Variants in GLIS3 observed in about 807,000 individuals in gnomAD.
GLIS3 encodes the protein GLIS family zinc finger 3.
In GLIS3, 53 loss-of-function variants were observed where a neutral mutation model predicts 78.6. The observed-to-expected ratio is 0.67, with a 90% CI of 0.54 to 0.85. The LOEUF is 0.85. GLIS3 is among the 40% of genes least tolerant of loss of function. The pLI, the probability that GLIS3 is intolerant of heterozygous loss-of-function variation, is 0.00. For synonymous variants in GLIS3, 684 were observed against 509.9 expected, an observed-to-expected ratio of 1.34 and a Z score of -4.60; for missense variants, 1,703 against 1,231.1, an observed-to-expected ratio of 1.38 and a Z score of -5.74.
chr9:4,475,853 G>A, the GLIS3 span, among the ~76,000 whole-genome samples: 1 of 152,194 alleles, frequency 6.6e-6, no homozygotes, highest in Non-Finnish European at 1.5e-5. Flanking sequence ...GGTAGTAGAA[G>A]AAGAGAGTCG....
chr9:3,860,942 A>C (rs1820174894), intron 8 of GLIS3, among the ~76,000 whole-genome samples: 1 of 152,204 alleles, frequency 6.6e-6, no homozygotes. Context: ...TTTAGTAAGC[A>C]ATGTATCTAC....
chr9:4,362,391 G>T, the GLIS3 span, among the ~76,000 whole-genome samples: 1 of 152,200 alleles, frequency 6.6e-6, no homozygotes, highest in African/African-American at 2.4e-5. Context: ...CATTGATGTA[G>T]TAAGAAAACA....
chr9:4,470,249 T>C, the GLIS3 span, among the ~76,000 whole-genome samples: 1 of 152,194 alleles, frequency 6.6e-6, no homozygotes, highest in African/African-American at 2.4e-5. Context: ...CCCTAACTCA[T>C]TTTATGAGGC....
intron 2 of GLIS3, among the ~76,000 whole-genome samples, chr9:4,320,265 C>T (rs984095218): frequency 6.6e-6 from 1 of 152,060 alleles, no homozygotes; most frequent in Non-Finnish European, 1.5e-5. Context: ...GCCTGACTAG[C>T]CCCTAAAAGA....
intron 4 of GLIS3, among the ~76,000 whole-genome samples, chr9:4,089,005 G>A (rs1191396984): frequency 6.6e-6 from 1 of 152,236 alleles, no homozygotes; most frequent in Non-Finnish European, 1.5e-5. Flanking sequence ...CTATATCCAT[G>A]AGCTGTGTTA....
chr9:4,277,478 C>G (rs998656417), intron 2 of GLIS3, among the ~76,000 whole-genome samples: 6 of 152,154 alleles, frequency 3.9e-5, no homozygotes, highest in African/African-American at 1.4e-4. Context: ...TTTCTTAAAC[C>G]AGGTCTTTAC....
intron 6 of GLIS3, among the ~76,000 whole-genome samples, chr9:3,911,108 CCTTCCTTCCTTCCTTTCCTTT>C: frequency 6.6e-6 from 1 of 152,122 alleles, no homozygotes; most frequent in Non-Finnish European, 1.5e-5. Context: ...TTTCTTCCTT[CCTTCCTTCCTTCCTTTCCTTT>C]CTTCCTTCCT....
chr9:4,180,896 C>A (rs921957909), intron 2 of GLIS3, among the ~76,000 whole-genome samples: 5 of 152,170 alleles, frequency 3.3e-5, no homozygotes, highest in Admixed American at 2.6e-4. Flanking sequence ...ATAGGTCCCA[C>A]CCAAGTACAG....
chr9:4,096,922 G>C (rs1829999397), intron 4 of GLIS3, among the ~76,000 whole-genome samples: 1 of 152,274 alleles, frequency 6.6e-6, no homozygotes, highest in East Asian at 1.9e-4. Context: ...TGAGGCAGGA[G>C]AATCTCTTGG....
At chr9:3,923,604 C>T (rs1228313237) in intron 6 of GLIS3, among the ~76,000 whole-genome samples, 1 of 150,682 alleles carries the variant, frequency 6.6e-6, no homozygotes, top group Non-Finnish European at 1.5e-5. Context: ...CTCTATAGTA[C>T]AAGGATGTTT....
At chr9:3,894,437 G>T (rs1388120688) in intron 7 of GLIS3, among the ~76,000 whole-genome samples, 1 of 152,154 alleles carries the variant, frequency 6.6e-6, no homozygotes, top group Non-Finnish European at 1.5e-5. Flanking sequence ...TCCCACGACA[G>T]CAAATATACT....
chr9:4,485,967 C>A, the GLIS3 span, among the ~76,000 whole-genome samples: 3 of 152,160 alleles, frequency 2.0e-5, no homozygotes, highest in African/African-American at 7.2e-5. Flanking sequence ...AGGAATCCAC[C>A]CCCCTTGGCC....
intron 4 of GLIS3, among the ~76,000 whole-genome samples, chr9:4,093,535 A>G (rs1249932935): frequency 6.6e-6 from 1 of 152,182 alleles, no homozygotes; most frequent in Non-Finnish European, 1.5e-5. Flanking sequence ...CCCTAAATCC[A>G]AAGTCACTTG....
At chr9:4,005,301 T>C (rs1397758306) in intron 4 of GLIS3, among the ~76,000 whole-genome samples, 2 of 152,240 alleles carry the variant, frequency 1.3e-5, no homozygotes, top group Non-Finnish European at 2.9e-5. Flanking sequence ...AACCTGTTGT[T>C]AGACAATAAG....
At chr9:4,119,339 G>A (rs760927862) in intron 3 of GLIS3, among the ~76,000 whole-genome samples, 1 of 152,074 alleles carries the variant, frequency 6.6e-6, no homozygotes, top group Non-Finnish European at 1.5e-5. Flanking sequence ...ATCTATTTGG[G>A]AAAGTAACAT....
At chr9:4,106,474 G>A (rs1295345101) in intron 4 of GLIS3, among the ~76,000 whole-genome samples, 5 of 152,086 alleles carry the variant, frequency 3.3e-5, no homozygotes, top group Non-Finnish European at 7.4e-5. Flanking sequence ...TCATCCTTGG[G>A]GGTAATTTTG....
the GLIS3 span, among the ~76,000 whole-genome samples, chr9:4,385,439 G>A: frequency 6.6e-6 from 1 of 152,146 alleles, no homozygotes; most frequent in African/African-American, 2.4e-5. Context: ...TGAGGCCGGT[G>A]GATCACCTGA....
chr9:4,337,823 G>A (rs1438167877), intron 2 of GLIS3, among the ~76,000 whole-genome samples: 1 of 152,150 alleles, frequency 6.6e-6, no homozygotes, highest in Non-Finnish European at 1.5e-5. Flanking sequence ...TTTCAGATAT[G>A]TTGTATCATT....
chr9:4,224,724 T>G (rs952746471), intron 2 of GLIS3, among the ~76,000 whole-genome samples: 1 of 151,400 alleles, frequency 6.6e-6, no homozygotes, highest in African/African-American at 2.4e-5. Flanking sequence ...TTTTTCTGTT[T>G]TTTTTTTTTT....
Sources: gnomAD v4.1 joint callset for allele counts (sites outside exome capture counted in the v4.1 genomes callset) on GRCh38, gnomAD v4.1.1 for gene constraint, MANE v1.5 for transcripts, NCBI Gene and HGNC (gene_info 2026-07-23, HGNC 2026-07-21) for gene names.